ZCCHC7: variants seen among roughly 807,000 people sequenced by gnomAD.
ZCCHC7 encodes zinc finger CCHC domain-containing protein 7.
In ZCCHC7, 35 loss-of-function variants were observed where a neutral mutation model predicts 52.0. The observed-to-expected ratio is 0.67, with a 90% confidence interval of 0.51 to 0.89. The LOEUF is 0.89. Ranked by LOEUF, ZCCHC7 falls within the 40% of genes least tolerant of loss-of-function variation. The probability of loss-of-function intolerance (pLI) is 0.00; values close to 1 mark genes in which losing one functional copy is unlikely to be tolerated. For missense variants in ZCCHC7, 574 were observed against 649.1 expected, an observed-to-expected ratio of 0.88 and a Z score of 1.26; for synonymous variants, 217 against 221.5, an observed-to-expected ratio of 0.98 and a Z score of 0.18.
At chr9:37,185,774 C>G (rs1006796794) in intron 2 of ZCCHC7, among the ~76,000 whole-genome samples, 26 of 152,158 alleles carry the variant, frequency 1.7e-4, no homozygotes, top group African/African-American at 6.0e-4. Context: ...TCAGGATAAT[C>G]TCACCTCAAG....
chr9:37,296,895 G>A (rs1477645937), intron 2 of ZCCHC7, among the ~76,000 whole-genome samples: 1 of 149,346 alleles, frequency 6.7e-6, no homozygotes, highest in African/African-American at 2.5e-5. Flanking sequence ...GTGTGTGTGT[G>A]TGTGTGTGTG....
chr9:37,320,491 T>C (rs1180829024), intron 5 of ZCCHC7, among the ~76,000 whole-genome samples: 1 of 152,222 alleles, frequency 6.6e-6, no homozygotes, highest in Non-Finnish European at 1.5e-5. Context: ...AGGATTTTGA[T>C]TACAGTTGTG....
At chr9:37,264,758 T>G (rs1827023407) in intron 2 of ZCCHC7, among the ~76,000 whole-genome samples, 1 of 152,204 alleles carries the variant, frequency 6.6e-6, no homozygotes, top group Non-Finnish European at 1.5e-5. Flanking sequence ...ATGCCTCACT[T>G]TATATTGCTT....
chr9:37,282,166 A>G (rs937297454), intron 2 of ZCCHC7, among the ~76,000 whole-genome samples: 5 of 152,210 alleles, frequency 3.3e-5, no homozygotes, highest in African/African-American at 1.2e-4. Context: ...TAACTTGTTT[A>G]ATAGTTTCAG....
chr9:37,145,038 A>T (rs1843378768), intron 2 of ZCCHC7: 1 of 151,994 alleles, frequency 6.6e-6, no homozygotes. Context: ...TATTAACAGG[A>T]TTAAATGTAA....
At chr9:37,309,408 C>A (rs993889664) in intron 5 of ZCCHC7, among the ~76,000 whole-genome samples, 1 of 152,212 alleles carries the variant, frequency 6.6e-6, no homozygotes, top group Admixed American at 6.5e-5. Flanking sequence ...TCTTCCGTGA[C>A]CCTGAATCTT....
intron 6 of ZCCHC7, among the ~76,000 whole-genome samples, chr9:37,335,021 G>C (rs1830590350): frequency 6.6e-6 from 1 of 151,830 alleles, no homozygotes; most frequent in African/African-American, 2.4e-5. Context: ...TAATCATGTA[G>C]AACTGAATCC....
At chr9:37,318,375 C>T (rs547482573) in intron 5 of ZCCHC7, among the ~76,000 whole-genome samples, 5 of 151,720 alleles carry the variant, frequency 3.3e-5, no homozygotes, top group South Asian at 2.1e-4. Flanking sequence ...GCAGGAGAAT[C>T]GCTTGAAACT....
rs139559527 is a variant in ZCCHC7, at chr9:37,203,537, T to C, written c.610+76595T>C. Among the ~76,000 whole-genome samples, 68 of 152,360 alleles carry C rather than the reference T, an allele frequency of 4.5e-4. No homozygotes were observed. In the East Asian group the frequency reaches 0.012, roughly 26 times the overall value. On this transcript the variant is annotated intron_variant, in intron 2 of 8. Coordinates refer to ENST00000336755, the MANE Select transcript of ZCCHC7 (RefSeq NM_032226.3). Reference sequence around the variant, plus strand: ...GTTCTCGTTATTCAACTCCCACTTATGCATGAGAACATGTGGTGTTTGGTT... The same window carrying C: ...GTTCTCGTTATTCAACTCCCACTTACGCATGAGAACATGTGGTGTTTGGTT...
intron 2 of ZCCHC7, among the ~76,000 whole-genome samples, chr9:37,247,880 G>T (rs978135336): frequency 1.3e-5 from 2 of 152,040 alleles, no homozygotes; most frequent in African/African-American, 4.8e-5. Flanking sequence ...TAGCCTGGAA[G>T]ACAAAGTGAG....
At chr9:37,177,520 T>C (rs961164609) in intron 2 of ZCCHC7, among the ~76,000 whole-genome samples, 6 of 152,082 alleles carry the variant, frequency 3.9e-5, no homozygotes, top group African/African-American at 1.2e-4. Flanking sequence ...AGAGAGCAGC[T>C]GTGAAAAACT....
intron 2 of ZCCHC7, among the ~76,000 whole-genome samples, chr9:37,156,993 CAA>C (rs1012036870): frequency 6.6e-6 from 1 of 151,732 alleles, no homozygotes; most frequent in Non-Finnish European, 1.5e-5. Context: ...CCTATAAGGT[CAA>C]AACTATTTTC....
At chr9:37,288,589 A>G (rs1008801149) in intron 2 of ZCCHC7, among the ~76,000 whole-genome samples, 7 of 152,172 alleles carry the variant, frequency 4.6e-5, no homozygotes, top group African/African-American at 1.7e-4. Flanking sequence ...TTTTTAATCC[A>G]GCCAGGTTTT....
intron 2 of ZCCHC7, among the ~76,000 whole-genome samples, chr9:37,176,331 C>T (rs1171624506): frequency 6.6e-6 from 1 of 152,166 alleles, no homozygotes; most frequent in Non-Finnish European, 1.5e-5. Context: ...CCTCGGCCTC[C>T]CAAAGTGCTG....
chr9:37,341,450 C>T (rs1820633702), intron 6 of ZCCHC7, among the ~76,000 whole-genome samples: 1 of 152,108 alleles, frequency 6.6e-6, no homozygotes, highest in Non-Finnish European at 1.5e-5. Flanking sequence ...ATATGCCTGG[C>T]CCTATTCCAG....
rs1460818377 is a variant in ZCCHC7, at chr9:37,241,610, A to G, written c.611-60578A>G. 4.6e-5 allele frequency among the ~76,000 whole-genome samples: 7 copies of G among 151,832 alleles called. No individual in the cohort carries two copies. In the South Asian group the frequency reaches 1.2e-3, roughly 27 times the overall value. On this transcript the variant is annotated intron_variant, in intron 2 of 8. Transcript: ENST00000336755. ...GGAATAATCACTTTTTCCTTTTGAA[A>G]AGTCTTTCATTTTAGCAGCAGTATC... is the stretch of plus-strand genomic sequence containing the variant.
intron 2 of ZCCHC7, among the ~76,000 whole-genome samples, chr9:37,140,793 T>C (rs1439194478): frequency 6.6e-6 from 1 of 152,000 alleles, no homozygotes; most frequent in East Asian, 1.9e-4. Flanking sequence ...ACTCTGTGAT[T>C]GTGCCACCAG....
chr9:37,151,320 T>C (rs1444490126), intron 2 of ZCCHC7, among the ~76,000 whole-genome samples: 3 of 152,200 alleles, frequency 2.0e-5, no homozygotes, highest in African/African-American at 7.2e-5. Flanking sequence ...CTAGAATCCT[T>C]CAAGTCTTTC....
chr9:37,229,576 A>T (rs1193357681), intron 2 of ZCCHC7, among the ~76,000 whole-genome samples: 1 of 152,264 alleles, frequency 6.6e-6, no homozygotes, highest in Non-Finnish European at 1.5e-5. Flanking sequence ...GCAGTAAAAA[A>T]TATGGCATAA....
Sources: allele counts gnomAD v4.1 joint callset (sites outside exome capture counted in the v4.1 genomes callset), GRCh38; gene constraint gnomAD v4.1.1; transcripts MANE v1.5; gene names NCBI Gene and HGNC (gene_info 2026-07-23, HGNC 2026-07-21).